The following PKIB variants were observed in gnomAD, a reference collection of about 807,000 sequenced individuals.
PKIB encodes the protein cAMP-dependent protein kinase inhibitor beta, also known as PKI-beta.
A neutral mutation model predicts 4.5 loss-of-function variants in PKIB; 2 were observed. That is an observed-to-expected ratio of 0.44 (90% confidence interval 0.18 to 1.39). The LOEUF is 1.39. Ranked by LOEUF, PKIB falls within the 40% of genes most tolerant of loss-of-function variation. The pLI, the probability that PKIB is intolerant of heterozygous loss-of-function variation, is 0.27. For missense variants in PKIB, 94 were observed against 92.6 expected (o/e 1.02, Z -0.06); for synonymous variants, 38 against 36.0 (o/e 1.06, Z -0.20).
intron 2 of PKIB, among the ~76,000 whole-genome samples, chr6:122,573,322 G>A (rs1773426238): frequency 6.6e-6 from 1 of 151,840 alleles, no homozygotes; most frequent in African/African-American, 2.4e-5. Context: ...AAACCCAGAA[G>A]GTTAAAACCA....
intron 2 of PKIB, among the ~76,000 whole-genome samples, chr6:122,488,588 G>A (rs530037578): frequency 6.6e-6 from 1 of 151,934 alleles, no homozygotes; most frequent in Admixed American, 6.6e-5. Context: ...CACCATTATG[G>A]CCAACTAATT....
intron 2 of PKIB, among the ~76,000 whole-genome samples, chr6:122,493,811 C>T (rs539441909): frequency 6.6e-6 from 1 of 152,184 alleles, no homozygotes; most frequent in South Asian, 2.1e-4. Context: ...CTTGGTCTTC[C>T]TCTCTGTACC....
At chr6:122,490,050 C>A (rs186470645) in intron 2 of PKIB, among the ~76,000 whole-genome samples, 10 of 152,290 alleles carry the variant, frequency 6.6e-5, no homozygotes, top group African/African-American at 1.9e-4. Flanking sequence ...AAATATGCAT[C>A]CAAGTTCTTC....
intron 2 of PKIB, among the ~76,000 whole-genome samples, chr6:122,673,973 A>G (rs537277404): frequency 1.1e-4 from 16 of 152,312 alleles, no homozygotes; most frequent in Admixed American, 2.6e-4. Flanking sequence ...GAAGAGATGA[A>G]GAAGATATAC....
intron 2 of PKIB, chr6:122,644,327 G>GA (rs1776231762): frequency 6.6e-6 from 1 of 152,208 alleles, no homozygotes; most frequent in Admixed American, 6.5e-5. Context: ...AACAGCATGA[G>GA]ACAGTGGAAG....
At chr6:122,654,857 T>C (rs2114892075) in intron 2 of PKIB, among the ~76,000 whole-genome samples, 1 of 152,274 alleles carries the variant, frequency 6.6e-6, no homozygotes, top group South Asian at 2.1e-4. Flanking sequence ...AGGAGAAAAA[T>C]ATGACTCATG....
intron 2 of PKIB, among the ~76,000 whole-genome samples, chr6:122,566,308 C>G (rs539543958): frequency 1.3e-5 from 2 of 152,258 alleles, no homozygotes; most frequent in South Asian, 2.1e-4. Flanking sequence ...AGTCTGACCA[C>G]AGTTCCATTA....
At chr6:122,632,771 A>T (rs1416951669) in intron 1 of PKIB, among the ~76,000 whole-genome samples, 1 of 152,212 alleles carries the variant, frequency 6.6e-6, no homozygotes, top group Non-Finnish European at 1.5e-5. Flanking sequence ...CTTGGTATTT[A>T]AATTCAAAGA....
At chr6:122,519,340 A>G (rs1776864393) in intron 2 of PKIB, among the ~76,000 whole-genome samples, 2 of 152,170 alleles carry the variant, frequency 1.3e-5, no homozygotes, top group South Asian at 4.1e-4. Flanking sequence ...CACTGATCCT[A>G]TATTATGATG....
At chr6:122,588,910 G>T (rs1300300146) in intron 3 of PKIB, among the ~76,000 whole-genome samples, 1 of 152,130 alleles carries the variant, frequency 6.6e-6, no homozygotes, top group African/African-American at 2.4e-5. Context: ...GTTAGTCTTG[G>T]TTTCTTTTGA....
At chr6:122,492,560 C>G (rs1775967231) in intron 2 of PKIB, among the ~76,000 whole-genome samples, 1 of 152,114 alleles carries the variant, frequency 6.6e-6, no homozygotes, top group African/African-American at 2.4e-5. Context: ...AAAATTTTTC[C>G]CCAAAGAACC....
intron 2 of PKIB, among the ~76,000 whole-genome samples, chr6:122,561,338 T>A (rs1416842229): frequency 2.0e-5 from 3 of 152,082 alleles, no homozygotes; most frequent in Non-Finnish European, 4.4e-5. Context: ...TTTCCATGTA[T>A]TTGCATGGTT....
intron 3 of PKIB, among the ~76,000 whole-genome samples, chr6:122,683,686 G>A (rs1183507072): frequency 1.3e-5 from 2 of 152,104 alleles, no homozygotes; most frequent in Admixed American, 6.5e-5. Flanking sequence ...CAAGCAAGAT[G>A]GCTTTACCAA....
chr6:122,526,850 TG>T (rs1777104785), intron 2 of PKIB, among the ~76,000 whole-genome samples: 1 of 152,134 alleles, frequency 6.6e-6, no homozygotes, highest in South Asian at 2.1e-4. Flanking sequence ...TCATCCTCAT[TG>T]TAAGAGTCAG....
chr6:122,620,643 G>C lies in PKIB; in HGVS notation c.-161+10108G>C, dbSNP rs562715018. ...TAGCTCCTGAGGCGGTGAGGTAAGA[G>C]GTTGAGTGGCTTTGTGACACTATGC... is the stretch of plus-strand genomic sequence containing the variant. On this transcript the variant is annotated intron_variant, in intron 1 of 4. Coordinates refer to ENST00000368452, the MANE Select transcript of PKIB (RefSeq NM_181795.3). Among the ~76,000 whole-genome samples the C allele has an allele frequency of 5.3e-5, 8 of 152,278 alleles. No homozygotes were observed. In the South Asian group the frequency reaches 1.5e-3, roughly 28 times the overall value.
chr6:122,508,680 T>G (rs1776493496), intron 2 of PKIB, among the ~76,000 whole-genome samples: 1 of 152,170 alleles, frequency 6.6e-6, no homozygotes, highest in Non-Finnish European at 1.5e-5. Flanking sequence ...TATATTTAAT[T>G]AAGGCAGTTT....
chr6:122,501,891 A>G (rs1776248179), intron 2 of PKIB, among the ~76,000 whole-genome samples: 1 of 142,742 alleles, frequency 7.0e-6, no homozygotes, highest in Admixed American at 6.9e-5. Context: ...TTCTTTGTTT[A>G]TGCAAATAAG....
intron 1 of PKIB, among the ~76,000 whole-genome samples, chr6:122,619,454 G>A (rs1775133037): frequency 6.6e-6 from 1 of 150,958 alleles, no homozygotes; most frequent in South Asian, 2.1e-4. Context: ...GTCCTATAAT[G>A]GATTCCCTCC....
intron 1 of PKIB, among the ~76,000 whole-genome samples, chr6:122,612,850 T>C (rs1213763847): frequency 6.6e-6 from 1 of 152,186 alleles, no homozygotes; most frequent in African/African-American, 2.4e-5. Context: ...TGTGTCTAAC[T>C]TTTAAGGAAC....
Sources: allele counts gnomAD v4.1 joint callset (sites outside exome capture counted in the v4.1 genomes callset), GRCh38; gene constraint gnomAD v4.1.1; transcripts MANE v1.5; gene names NCBI Gene and HGNC (gene_info 2026-07-23, HGNC 2026-07-21).